CWC27: variants seen among roughly 807,000 people sequenced by gnomAD.
CWC27 encodes the protein spliceosome-associated protein CWC27 homolog.
CWC27 carries 47 observed loss-of-function variants against 63.6 expected under a neutral mutation model. The ratio of observed to expected loss-of-function variants is 0.74; its 90% CI spans 0.58 to 0.94. The LOEUF (loss-of-function observed/expected upper bound fraction) is 0.94, where lower values mean the gene tolerates loss of function less well. Ranked by LOEUF, CWC27 falls within the 40% of genes least tolerant of loss-of-function variation. The pLI, the probability that CWC27 is intolerant of heterozygous loss-of-function variation, is 0.00. For synonymous variants in CWC27, 175 were observed against 179.8 expected (o/e 0.97, Z 0.22); for missense variants, 495 against 554.3 (o/e 0.89, Z 1.07).
At chr5:64,882,785 A>G (rs1216564800) in intron 10 of CWC27, among the ~76,000 whole-genome samples, 4 of 151,812 alleles carry the variant, frequency 2.6e-5, no homozygotes, top group African/African-American at 4.8e-5. Flanking sequence ...TTTAGTAGAG[A>G]CGGAGTTTCA....
At chr5:64,864,574 C>G (rs996224994) in intron 10 of CWC27, among the ~76,000 whole-genome samples, 1 of 151,978 alleles carries the variant, frequency 6.6e-6, no homozygotes, top group Non-Finnish European at 1.5e-5. Flanking sequence ...AGTTAATTTC[C>G]CAGATGTCAC....
intron 10 of CWC27, among the ~76,000 whole-genome samples, chr5:64,833,683 T>C (rs1302865752): frequency 6.6e-6 from 1 of 151,796 alleles, no homozygotes; most frequent in East Asian, 1.9e-4. Flanking sequence ...CAAATAGTTT[T>C]GATTTTCTTT....
intron 11 of CWC27, among the ~76,000 whole-genome samples, chr5:64,910,831 GT>G (rs574802014): frequency 1.2e-3 from 179 of 152,308 alleles, no homozygotes; most frequent in Non-Finnish European, 1.7e-3. Context: ...GGGCAGGAGT[GT>G]CCCATTTTTC....
chr5:64,811,311 A>G (rs1340894540), intron 10 of CWC27, among the ~76,000 whole-genome samples: 1 of 152,104 alleles, frequency 6.6e-6, no homozygotes, highest in Non-Finnish European at 1.5e-5. Flanking sequence ...ATATTGATAC[A>G]TAATAAATGA....
intron 13 of CWC27, among the ~76,000 whole-genome samples, chr5:64,986,691 C>G (rs534678672): frequency 3.9e-5 from 6 of 151,966 alleles, no homozygotes; most frequent in South Asian, 2.1e-4. Context: ...CAGAGCCCCC[C>G]CCGGACTGGG....
At chr5:64,926,160 C>T (rs924329045) in intron 11 of CWC27, among the ~76,000 whole-genome samples, 1 of 152,074 alleles carries the variant, frequency 6.6e-6, no homozygotes, top group Non-Finnish European at 1.5e-5. Context: ...TCTTCTGCAT[C>T]AATCTGTATC....
At chr5:64,945,085 A>G (rs1748562919) in intron 11 of CWC27, among the ~76,000 whole-genome samples, 1 of 152,014 alleles carries the variant, frequency 6.6e-6, no homozygotes, top group Non-Finnish European at 1.5e-5. Context: ...TCATGCTGTT[A>G]CCTTTTCTGG....
chr5:64,886,334 T>A (rs983788700), intron 11 of CWC27, among the ~76,000 whole-genome samples: 1 of 152,184 alleles, frequency 6.6e-6, no homozygotes, highest in Non-Finnish European at 1.5e-5. Context: ...AATTGTATTG[T>A]CCATTCAGTG....
At chr5:64,946,568 A>G (rs1355543700) in intron 11 of CWC27, among the ~76,000 whole-genome samples, 1 of 152,148 alleles carries the variant, frequency 6.6e-6, no homozygotes, top group East Asian at 1.9e-4. Flanking sequence ...GGCTACCTTC[A>G]TGTTCTAAAT....
intron 11 of CWC27, among the ~76,000 whole-genome samples, 193 bp downstream of exon 11, chr5:64,885,739 T>TGTGTGTGTGTGTGTGTG (rs1427858737): frequency 6.2e-4 from 15 of 24,324 alleles, no homozygotes; most frequent in South Asian, 4.4e-3. Context: ...GTGTGTGTGT[T>TGTGTGTGTGTGTGTGTG]TTTAATACTT....
intron 12 of CWC27, among the ~76,000 whole-genome samples, chr5:64,973,080 A>G (rs1462476568): frequency 6.6e-6 from 1 of 152,234 alleles, no homozygotes; most frequent in South Asian, 2.1e-4. Flanking sequence ...CAAAAGGAAC[A>G]GTGCGTACAT....
intron 10 of CWC27, among the ~76,000 whole-genome samples, chr5:64,810,570 C>T (rs1744846120): frequency 6.6e-6 from 1 of 152,060 alleles, no homozygotes; most frequent in Non-Finnish European, 1.5e-5. Context: ...TCTTCAATTT[C>T]TTTCAATGTT....
chr5:64,887,998 A>G lies in CWC27; in HGVS notation c.1042+2452A>G, dbSNP rs577936752. 1.4e-3 allele frequency among the ~76,000 whole-genome samples: 220 copies of G among 152,246 alleles called. 1 individual carries two copies. The highest frequency in any genetic ancestry group is 4.9e-3 in the African/African-American group (202 of 41,564). ...CCTAATAGCACTCTAACAATATTAG[A>G]ATCAAAATCAAATGGTCTACTTAGT... On this transcript the variant is annotated intron_variant, in intron 11 of 13. Transcript: ENST00000381070.
chr5:64,773,192 C>A (rs1380213433), intron 1 of CWC27, among the ~76,000 whole-genome samples: 1 of 152,058 alleles, frequency 6.6e-6, no homozygotes, highest in East Asian at 1.9e-4. Context: ...TTATTGTTTT[C>A]AATGGTGAAC....
At chr5:64,819,646 G>T (rs1745140980) in intron 10 of CWC27, among the ~76,000 whole-genome samples, 2 of 152,002 alleles carry the variant, frequency 1.3e-5, no homozygotes, top group African/African-American at 4.8e-5. Context: ...ATGATCATGA[G>T]GCCTCCCCAG....
In CWC27 at chr5:64,902,475, G is replaced by A. The variant is rs117184491; in HGVS notation, c.1042+16929G>A. Among the ~76,000 whole-genome samples, 135 of 152,260 alleles carry A rather than the reference G, an allele frequency of 8.9e-4. 2 individuals are homozygous for A. In the East Asian group the frequency reaches 0.025, roughly 28 times the overall value. ...TTTGTTCTAGACCATTTGTTGAAAA[G>A]ACAATCCTTTCCCTACTGAATTGCC... On this transcript the variant is annotated intron_variant, in intron 11 of 13. Coordinates refer to ENST00000381070, the MANE Select transcript of CWC27 (RefSeq NM_005869.4).
chr5:64,908,672 T>C (rs1747716494), intron 11 of CWC27, among the ~76,000 whole-genome samples: 1 of 152,244 alleles, frequency 6.6e-6, no homozygotes, highest in Admixed American at 6.5e-5. Flanking sequence ...TTTGTTGGTT[T>C]AAAGTCTGTT....
chr5:64,953,225 G>A (rs1580746618), intron 11 of CWC27, among the ~76,000 whole-genome samples: 2 of 152,176 alleles, frequency 1.3e-5, no homozygotes, highest in East Asian at 3.9e-4. Flanking sequence ...ATGTTGGCTT[G>A]CTTGTTTTTC....
At chr5:65,011,395 G>A (rs1193184155) in intron 13 of CWC27, among the ~76,000 whole-genome samples, 1 of 152,194 alleles carries the variant, frequency 6.6e-6, no homozygotes, top group African/African-American at 2.4e-5. Context: ...GTCAGATCAG[G>A]AAAGGAATCA....
Sources: allele counts gnomAD v4.1 joint callset (sites outside exome capture counted in the v4.1 genomes callset), GRCh38; gene constraint gnomAD v4.1.1; transcripts MANE v1.5; gene names NCBI Gene and HGNC (gene_info 2026-07-23, HGNC 2026-07-21).